GALNT1: variants seen among roughly 807,000 people sequenced by gnomAD.
The protein encoded by GALNT1 is polypeptide N-acetylgalactosaminyltransferase 1, also known as GalNAc transferase 1.
GALNT1 carries 17 observed loss-of-function variants against 65.7 expected under a neutral mutation model. The observed-to-expected ratio is 0.26, with a 90% confidence interval of 0.18 to 0.39. The LOEUF (loss-of-function observed/expected upper bound fraction) is 0.39, where lower values mean the gene tolerates loss of function less well. GALNT1 is among the 10% of genes least tolerant of loss of function. The pLI, the probability that GALNT1 is intolerant of heterozygous loss-of-function variation, is 1.00. For synonymous variants in GALNT1, 210 were observed against 219.7 expected (o/e 0.96, Z 0.39); for missense variants, 460 against 672.8 (o/e 0.68, Z 3.50).
intron 6 of GALNT1, among the ~76,000 whole-genome samples, 170 bp downstream of exon 6, chr18:35,687,356 C>A (rs374937495): frequency 1.3e-5 from 2 of 152,178 alleles, no homozygotes; most frequent in Admixed American, 6.5e-5. Context: ...AGAAGGATTT[C>A]TCCTCTAATA....
At chr18:35,656,604 G>C (rs1366658039) in intron 2 of GALNT1, among the ~76,000 whole-genome samples, 2 of 152,166 alleles carry the variant, frequency 1.3e-5, no homozygotes, top group Non-Finnish European at 2.9e-5. Flanking sequence ...GAGTTGATAG[G>C]AGAACAAGAG....
intron 1 of GALNT1, among the ~76,000 whole-genome samples, chr18:35,590,961 G>A (rs978715144): frequency 7.2e-5 from 11 of 152,176 alleles, no homozygotes; most frequent in African/African-American, 1.7e-4. Context: ...GAGAGTAGCC[G>A]TGAGAGTTTC....
intron 5 of GALNT1, among the ~76,000 whole-genome samples, chr18:35,683,941 A>G (rs1228247813): frequency 6.6e-6 from 1 of 152,244 alleles, no homozygotes; most frequent in Non-Finnish European, 1.5e-5. Context: ...TCTAAAGCTA[A>G]TGCTGGAGCA....
At chr18:35,686,049 C>T (rs1302431816) in intron 5 of GALNT1, among the ~76,000 whole-genome samples, 3 of 152,190 alleles carry the variant, frequency 2.0e-5, no homozygotes, top group Non-Finnish European at 2.9e-5. Flanking sequence ...GCCTGGGCAA[C>T]AGGAGTGAGA....
chr18:35,648,469 A>C (rs145230831), intron 1 of GALNT1, among the ~76,000 whole-genome samples: 1 of 152,336 alleles, frequency 6.6e-6, no homozygotes, highest in Non-Finnish European at 1.5e-5. Context: ...TTATTGGTAC[A>C]TTACCCCATC....
At chr18:35,620,686 T>G (rs2046839414) in intron 1 of GALNT1, among the ~76,000 whole-genome samples, 1 of 152,220 alleles carries the variant, frequency 6.6e-6, no homozygotes, top group Non-Finnish European at 1.5e-5. Context: ...CATTCATCAT[T>G]GTTTACTGAT....
At chr18:35,678,346 C>CCA (rs199645649) in intron 4 of GALNT1, among the ~76,000 whole-genome samples, 1 of 141,250 alleles carries the variant, frequency 7.1e-6, no homozygotes, top group Non-Finnish European at 1.5e-5. Flanking sequence ...AGACTCTTGC[C>CCA]CACGTCCTTC....
At chr18:35,623,272 C>A (rs1163058920) in intron 1 of GALNT1, among the ~76,000 whole-genome samples, 1 of 152,092 alleles carries the variant, frequency 6.6e-6, no homozygotes, top group Non-Finnish European at 1.5e-5. Context: ...GTCTTTGTTA[C>A]ATGTAATGAG....
chr18:35,584,622 A>G (rs1364815028), intron 1 of GALNT1, among the ~76,000 whole-genome samples: 1 of 152,198 alleles, frequency 6.6e-6, no homozygotes, highest in Non-Finnish European at 1.5e-5. Context: ...ACCAGGGACC[A>G]GTTTTGTGGA....
At chr18:35,584,998 A>G (rs76803164) in intron 1 of GALNT1, among the ~76,000 whole-genome samples, 2,383 of 152,352 alleles carry the variant, frequency 0.016, 18 homozygotes, top group Admixed American at 0.023. Flanking sequence ...GGTGGATAGC[A>G]TTAAATAAAC....
rs531976495 is a variant in GALNT1, at chr18:35,639,889, C to G, written c.-103-14671C>G. ...TCAGCTCACTGCAACCTCCACCTCCCGGGTTCAAGCAATTCTCCTGCCTCA... is the reference window on the plus strand; with the variant it reads ...TCAGCTCACTGCAACCTCCACCTCCGGGGTTCAAGCAATTCTCCTGCCTCA... On this transcript the variant is annotated intron_variant, in intron 1 of 11. Transcript: ENST00000269195. Among the ~76,000 whole-genome samples the G allele has an allele frequency of 1.2e-4, 18 of 152,228 alleles. No individual in the cohort carries two copies. The East Asian group carries it at 3.5e-3, about 29-fold the overall frequency.
intron 3 of GALNT1, among the ~76,000 whole-genome samples, chr18:35,665,642 C>G (rs1340425391): frequency 6.6e-6 from 1 of 152,182 alleles, no homozygotes; most frequent in African/African-American, 2.4e-5. Flanking sequence ...AGGTCACAAT[C>G]AAAAGGTTAT....
chr18:35,620,293 C>G (rs1383632240), intron 1 of GALNT1, among the ~76,000 whole-genome samples: 4 of 152,046 alleles, frequency 2.6e-5, no homozygotes, highest in African/African-American at 7.2e-5. Flanking sequence ...GAAGTTGGTC[C>G]CTTTAAAAAT....
At chr18:35,665,586 CA>C (rs1161759683) in intron 3 of GALNT1, among the ~76,000 whole-genome samples, 2 of 152,060 alleles carry the variant, frequency 1.3e-5, no homozygotes, top group African/African-American at 2.4e-5. Flanking sequence ...TTTCAACCCC[CA>C]GGGGGGAAAA....
At chr18:35,647,552 T>G (rs1230255522) in intron 1 of GALNT1, among the ~76,000 whole-genome samples, 1 of 152,270 alleles carries the variant, frequency 6.6e-6, no homozygotes, top group East Asian at 1.9e-4. Context: ...CTTGTCTTTT[T>G]TAAGTCTTTT....
At chr18:35,676,682 C>G (rs963903176) in intron 3 of GALNT1, among the ~76,000 whole-genome samples, 1 of 152,136 alleles carries the variant, frequency 6.6e-6, no homozygotes, top group African/African-American at 2.4e-5. Flanking sequence ...GGTGGAGCAA[C>G]TGTTAGAATC....
chr18:35,665,479 C>T lies in GALNT1; in HGVS notation c.314+1677C>T, dbSNP rs115798781. 9.1e-3 allele frequency among the ~76,000 whole-genome samples: 1,388 copies of T among 152,168 alleles called. 22 individuals are homozygous for T. Among genetic ancestry groups the T allele is most frequent in the African/African-American group, 0.03 (1,243 of 41,528 alleles). ...CACAAAATTTTCCATAACTGAACTG[C>T]ACAAATTTTCAAATTGAAAGAGCCC... On this transcript the variant is annotated intron_variant, in intron 3 of 11. Coordinates refer to ENST00000269195, the MANE Select transcript of GALNT1 (RefSeq NM_020474.4).
intron 1 of GALNT1, among the ~76,000 whole-genome samples, chr18:35,588,435 T>G (rs1168202875): frequency 6.6e-6 from 1 of 152,212 alleles, no homozygotes; most frequent in Non-Finnish European, 1.5e-5. Flanking sequence ...TTTATACTGC[T>G]TGGGGTTCAC....
chr18:35,582,647 C>T (rs139597080), intron 1 of GALNT1, among the ~76,000 whole-genome samples: 115 of 152,300 alleles, frequency 7.6e-4, no homozygotes, highest in Middle Eastern at 6.8e-3. Context: ...TTCTGGAGGG[C>T]AGAGAATGTC....
Sources: gnomAD v4.1 joint callset for allele counts (sites outside exome capture counted in the v4.1 genomes callset) on GRCh38, gnomAD v4.1.1 for gene constraint, MANE v1.5 for transcripts, NCBI Gene and HGNC (gene_info 2026-07-23, HGNC 2026-07-21) for gene names.